The following ACOXL variants were observed in gnomAD, a reference collection of about 807,000 sequenced individuals.
ACOXL encodes acyl-CoA oxidase like, also known as acyl-coenzyme A oxidase-like protein.
In ACOXL, 70 loss-of-function variants were observed where a neutral mutation model predicts 71.9. The ratio of observed to expected loss-of-function variants is 0.97; its 90% CI spans 0.80 to 1.19. The LOEUF is 1.19. Among genes scored for constraint, ACOXL ranks in the 50% most tolerant of loss-of-function variants. The pLI is 0.00. For synonymous variants in ACOXL, 253 were observed against 281.6 expected, an observed-to-expected ratio of 0.90 and a Z score of 1.02; for missense variants, 703 against 736.3, an observed-to-expected ratio of 0.95 and a Z score of 0.52.
At chr2:110,959,689 C>A (rs1199125093) in intron 12 of ACOXL, among the ~76,000 whole-genome samples, 1 of 152,186 alleles carries the variant, frequency 6.6e-6, no homozygotes, top group Non-Finnish European at 1.5e-5. Flanking sequence ...CTCCCCGCCA[C>A]CCCCTGAGAA....
intron 12 of ACOXL, among the ~76,000 whole-genome samples, chr2:110,948,364 A>G (rs2061192437): frequency 6.6e-6 from 1 of 152,202 alleles, no homozygotes; most frequent in South Asian, 2.1e-4. Context: ...AAGTGATGTG[A>G]GGCAGAGCCC....
At chr2:110,844,055 T>A (rs1463467651) in intron 10 of ACOXL, among the ~76,000 whole-genome samples, 1 of 152,180 alleles carries the variant, frequency 6.6e-6, no homozygotes, top group Non-Finnish European at 1.5e-5. Flanking sequence ...GCTGGTGTCA[T>A]CTGTAGAGGA....
At chr2:110,968,588 G>T in intron 12 of ACOXL, 1 of 929,280 alleles carries the variant, frequency 1.1e-6, no homozygotes, top group Non-Finnish European at 1.7e-6. Context: ...TCAAGTCTAT[G>T]AAAAGAAGCC....
chr2:110,849,777 C>G (rs911460163), intron 10 of ACOXL, among the ~76,000 whole-genome samples: 1 of 136,316 alleles, frequency 7.3e-6, no homozygotes, highest in Non-Finnish European at 1.7e-5. Context: ...AACAAACAAA[C>G]AAAAAACAGA....
intron 16 of ACOXL, among the ~76,000 whole-genome samples, chr2:111,054,872 A>G (rs1454266134): frequency 6.6e-6 from 1 of 152,136 alleles, no homozygotes; most frequent in Non-Finnish European, 1.5e-5. Flanking sequence ...GTCCAGAATG[A>G]GGGTTTTCAC....
chr2:110,895,116 T>C (rs977904609), intron 10 of ACOXL, among the ~76,000 whole-genome samples: 1 of 152,088 alleles, frequency 6.6e-6, no homozygotes, highest in Non-Finnish European at 1.5e-5. Flanking sequence ...TGAAAAATAT[T>C]TTAAAGCAGC....
At chr2:111,000,581 G>A (rs2063578671) in intron 14 of ACOXL, among the ~76,000 whole-genome samples, 1 of 152,146 alleles carries the variant, frequency 6.6e-6, no homozygotes, top group South Asian at 2.1e-4. Context: ...TGAAATCATG[G>A]TGGCAGCAGG....
chr2:110,764,449 A>G (rs145452627), intron 1 of ACOXL, among the ~76,000 whole-genome samples: 86 of 152,342 alleles, frequency 5.6e-4, no homozygotes, highest in Admixed American at 1.2e-3. Context: ...ACTGTGTGAC[A>G]TCCTGGAAAA....
At chr2:111,043,653 G>C (rs1356062058) in intron 15 of ACOXL, among the ~76,000 whole-genome samples, 4 of 152,182 alleles carry the variant, frequency 2.6e-5, no homozygotes, top group African/African-American at 9.7e-5. Context: ...CTCTCAAGGA[G>C]AGGCTGGTGA....
chr2:110,843,204 C>A, intron 10 of ACOXL, among the ~76,000 whole-genome samples: 1 of 152,176 alleles, frequency 6.6e-6, no homozygotes, highest in Non-Finnish European at 1.5e-5. Flanking sequence ...CTTGCCCTTC[C>A]CCATGATGTC....
At chr2:110,792,441 C>T (rs1573536475) in intron 3 of ACOXL, among the ~76,000 whole-genome samples, 1 of 152,196 alleles carries the variant, frequency 6.6e-6, no homozygotes, top group Non-Finnish European at 1.5e-5. Context: ...TTCTCATCCT[C>T]ATCCTCTTTG....
chr2:110,945,902 A>G (rs1371018750), intron 12 of ACOXL, among the ~76,000 whole-genome samples: 1 of 152,008 alleles, frequency 6.6e-6, no homozygotes, highest in African/African-American at 2.4e-5. Context: ...TGGTAGTTTC[A>G]TAGGAATAGC....
chr2:111,008,139 T>C (rs1344399238), intron 14 of ACOXL, among the ~76,000 whole-genome samples: 1 of 152,248 alleles, frequency 6.6e-6, no homozygotes, highest in Non-Finnish European at 1.5e-5. Context: ...TTAGCCTTTT[T>C]TTCCCCCTCT....
At chr2:110,846,641 G>GCACACACA (rs61028803) in intron 10 of ACOXL, among the ~76,000 whole-genome samples, 4,713 of 137,980 alleles carry the variant, frequency 0.034, 205 homozygotes, top group African/African-American at 0.092. Flanking sequence ...ATGCATACAC[G>GCACACACA]CACACACACA....
intron 11 of ACOXL, among the ~76,000 whole-genome samples, chr2:110,927,960 C>A (rs2060339514): frequency 6.6e-6 from 1 of 152,152 alleles, no homozygotes; most frequent in Non-Finnish European, 1.5e-5. Flanking sequence ...GGATGAATTT[C>A]CTAACTTAGA....
intron 12 of ACOXL, among the ~76,000 whole-genome samples, chr2:110,935,316 G>A (rs2060621272): frequency 3.9e-5 from 6 of 152,072 alleles, no homozygotes; most frequent in Admixed American, 3.9e-4. Context: ...CAGGCCCAGG[G>A]GTCTCTCACC....
chr2:111,003,550 C>CAAAAAAAAAA lies in ACOXL; in HGVS notation c.1281+7566_1281+7575dup, dbSNP rs548001377. ...TGGGCGACAGGGCGAGACTCTGTCT[C>CAAAAAAAAAA]AAAAAAAAAAAAAAAAAAAAAAAAA... On this transcript the variant is annotated intron_variant, in intron 14 of 17. Coordinates refer to ENST00000439055, the MANE Select transcript of ACOXL (RefSeq NM_001142807.4). 4.3e-3 allele frequency among the ~76,000 whole-genome samples: 151 copies of CAAAAAAAAAA among 35,316 alleles called. 19 individuals are homozygous for CAAAAAAAAAA. The highest frequency in any genetic ancestry group is 4.4e-3 in the South Asian group (3 of 684). 23.2% of individuals were successfully genotyped at this position (35,316 alleles called of 152,430 possible). A position where few individuals can be genotyped will look rare whatever the true frequency, so the allele number is the denominator to read the frequency against.
chr2:110,761,522 C>T (rs1156903377), intron 1 of ACOXL, among the ~76,000 whole-genome samples: 1 of 152,222 alleles, frequency 6.6e-6, no homozygotes, highest in Non-Finnish European at 1.5e-5. Flanking sequence ...TATTCCAGAG[C>T]TCCCCATGGA....
chr2:110,888,097 T>C (rs1376308648), intron 10 of ACOXL: 1 of 152,218 alleles, frequency 6.6e-6, no homozygotes, highest in African/African-American at 2.4e-5. Context: ...AGCTGGGGCT[T>C]CTATAGTCAA....
Sources: allele counts gnomAD v4.1 joint callset (sites outside exome capture counted in the v4.1 genomes callset), GRCh38; gene constraint gnomAD v4.1.1; transcripts MANE v1.5; gene names NCBI Gene and HGNC (gene_info 2026-07-23, HGNC 2026-07-21).